The following THSD7B variants were observed in gnomAD, a reference collection of about 807,000 sequenced individuals.
The protein encoded by THSD7B is thrombospondin type 1 domain containing 7B.
In THSD7B, 138 loss-of-function variants were observed where a neutral mutation model predicts 213.6. That is an observed-to-expected ratio of 0.65 (90% CI 0.56 to 0.74). The LOEUF (loss-of-function observed/expected upper bound fraction) is 0.74. Ranked by LOEUF, THSD7B falls within the 30% of genes least tolerant of loss-of-function variation. The pLI is 0.00. For missense variants in THSD7B, 1,931 were observed against 1,991.5 expected (o/e 0.97, Z 0.58); for synonymous variants, 742 against 687.0 (o/e 1.08, Z -1.25).
intron 20 of THSD7B, among the ~76,000 whole-genome samples, chr2:137,641,267 T>C (rs1682932466): frequency 6.6e-6 from 1 of 152,192 alleles, no homozygotes; most frequent in Non-Finnish European, 1.5e-5. Flanking sequence ...ATATGATCCT[T>C]TGCACCTCAC....
chr2:137,199,646 G>A (rs1016500138), intron 7 of THSD7B, among the ~76,000 whole-genome samples: 1 of 152,152 alleles, frequency 6.6e-6, no homozygotes, highest in African/African-American at 2.4e-5. Flanking sequence ...GAAGAATTAT[G>A]TGGTGATGAA....
chr2:136,977,809 T>TGTTTTTTG (rs750409622), intron 2 of THSD7B, among the ~76,000 whole-genome samples: 1 of 114,914 alleles, frequency 8.7e-6, no homozygotes, highest in Non-Finnish European at 1.8e-5. Context: ...TTGTTTTTTT[T>TGTTTTTTG]TTTTTTTTTT....
chr2:136,843,063 C>T (rs1199724364), intron 1 of THSD7B, among the ~76,000 whole-genome samples: 2 of 150,174 alleles, frequency 1.3e-5, no homozygotes, highest in African/African-American at 4.9e-5. Context: ...ACCAAAATAA[C>T]TGTTCACTCG....
intron 17 of THSD7B, among the ~76,000 whole-genome samples, chr2:137,590,615 A>C (rs1681842446): frequency 6.6e-6 from 1 of 151,590 alleles, no homozygotes. Context: ...CAACTCAATC[A>C]CTCCTACTGT....
chr2:136,900,252 G>C (rs1684041230), intron 2 of THSD7B, among the ~76,000 whole-genome samples: 2 of 152,222 alleles, frequency 1.3e-5, no homozygotes, highest in African/African-American at 2.4e-5. Context: ...GTAAAATATT[G>C]GTCCTTGCTC....
At chr2:137,506,788 G>C (rs921244) in intron 15 of THSD7B, among the ~76,000 whole-genome samples, 64,335 of 152,086 alleles carry the variant, frequency 0.42, 14,512 homozygotes, top group East Asian at 0.63. Context: ...TGGGAATGTT[G>C]TGGAAGCTAC....
intron 10 of THSD7B, among the ~76,000 whole-genome samples, chr2:137,267,515 C>T (rs1365195766): frequency 6.7e-6 from 1 of 149,794 alleles, no homozygotes; most frequent in African/African-American, 2.5e-5. Context: ...AAATCCCCCA[C>T]CCCCGAGTGC....
rs1338522844 is a variant in THSD7B at position 137,056,425 on chromosome 2, T to C, written c.145T>C (p.Trp49Arg). 2 of 1,607,482 alleles carry C rather than the reference T, an allele frequency of 1.2e-6. No homozygotes were observed. Among genetic ancestry groups the C allele is most frequent in the Non-Finnish European group, 1.7e-6 (2 of 1,175,276 alleles). Residue 49 changes from tryptophan to arginine, a missense_variant, in exon 3 of 28, where the codon TGG becomes CGG. By Grantham distance (101) the Trp-to-Arg change is moderately radical. Transcript: ENST00000409968. ...DNQFIWKPGP[W>R]GRCTGDCGPG... is the part of the protein sequence containing the mutation. ...CCTTGTTTTTCTGCCTGTAGGTCCG[T>C]GGGGAAGGTGTACAGGAGACTGTGG...
chr2:137,535,173 T>G (rs1020249914), intron 15 of THSD7B, among the ~76,000 whole-genome samples: 1 of 151,878 alleles, frequency 6.6e-6, no homozygotes. Context: ...TGGATTCACA[T>G]TTCCCTAGAT....
intron 7 of THSD7B, among the ~76,000 whole-genome samples, chr2:137,177,354 G>A (rs1234654217): frequency 1.3e-5 from 2 of 152,146 alleles, no homozygotes; most frequent in Non-Finnish European, 2.9e-5. Context: ...GTTGATTCCA[G>A]ATTGTATTGG....
chr2:137,590,791 A>ATTTTTTTTTTTTTTTTTTTT (rs1573730097), intron 17 of THSD7B, among the ~76,000 whole-genome samples: 5 of 96,940 alleles, frequency 5.2e-5, no homozygotes, highest in South Asian at 4.0e-4. Context: ...GCTTTGAAAT[A>ATTTTTTTTTTTTTTTTTTTT]GTTTTTTTTT....
chr2:137,517,447 G>T (rs1422120975), intron 15 of THSD7B, among the ~76,000 whole-genome samples: 1 of 152,210 alleles, frequency 6.6e-6, no homozygotes. Flanking sequence ...GGGTCTGGTG[G>T]TGTGAGGCCT....
At chr2:137,516,685 T>A (rs187267138) in intron 15 of THSD7B, among the ~76,000 whole-genome samples, 2 of 149,746 alleles carry the variant, frequency 1.3e-5, no homozygotes, top group East Asian at 3.9e-4. Flanking sequence ...GTGGTCATTT[T>A]CCCAGTGCCA....
intron 1 of THSD7B, among the ~76,000 whole-genome samples, chr2:136,864,239 C>T (rs1335805689): frequency 6.6e-6 from 1 of 152,166 alleles, no homozygotes; most frequent in Admixed American, 6.5e-5. Flanking sequence ...TCAATATATG[C>T]TCCAAATTGT....
intron 15 of THSD7B, among the ~76,000 whole-genome samples, chr2:137,455,121 G>T (rs994947060): frequency 8.5e-5 from 13 of 152,082 alleles, no homozygotes; most frequent in African/African-American, 3.1e-4. Flanking sequence ...CTTTTTGAGG[G>T]CAAGGGCTGT....
intron 13 of THSD7B, among the ~76,000 whole-genome samples, chr2:137,408,993 A>G (rs1686589622): frequency 6.6e-6 from 1 of 152,228 alleles, no homozygotes. Flanking sequence ...AAAGAGGCTC[A>G]CTATGACTGT....
intron 12 of THSD7B, among the ~76,000 whole-genome samples, chr2:137,374,606 A>G (rs1168651029): frequency 6.6e-6 from 1 of 152,196 alleles, no homozygotes; most frequent in African/African-American, 2.4e-5. Flanking sequence ...TCCATTGTGT[A>G]TTAGCATGCT....
chr2:137,093,663 C>T lies in THSD7B; in HGVS notation c.951-1210C>T, dbSNP rs191962256. Among the ~76,000 whole-genome samples, 16 of 152,286 alleles carry T rather than the reference C, an allele frequency of 1.1e-4. No individual in the cohort carries two copies. In the East Asian group the frequency reaches 2.3e-3, roughly 22 times the overall value. The stretch of plus-strand genomic sequence containing the variant: ...TCAGGTGTCCTCTCTGAGCACCCTT[C>T]TGCCTTACCGGGGGTTCATCACTGC... On this transcript the variant is annotated intron_variant, in intron 3 of 27. Transcript: ENST00000409968.
intron 24 of THSD7B, among the ~76,000 whole-genome samples, chr2:137,657,602 T>C (rs1338782699): frequency 6.6e-6 from 1 of 152,236 alleles, no homozygotes; most frequent in African/African-American, 2.4e-5. Context: ...TGTATGTTAA[T>C]GATGCAGAAA....
Sources: allele counts gnomAD v4.1 joint callset (sites outside exome capture counted in the v4.1 genomes callset), GRCh38; gene constraint gnomAD v4.1.1; transcripts MANE v1.5; gene names NCBI Gene and HGNC (gene_info 2026-07-23, HGNC 2026-07-21).